Variants in DNM3 observed in about 807,000 individuals in gnomAD.
DNM3 encodes the protein dynamin-3.
A neutral mutation model predicts 101.6 loss-of-function variants in DNM3; 47 were observed. The observed-to-expected ratio is 0.46, with a 90% CI of 0.37 to 0.59. The LOEUF (loss-of-function observed/expected upper bound fraction) is 0.59. Ranked by LOEUF, DNM3 falls within the 20% of genes least tolerant of loss-of-function variation. DNM3 has a pLI of 0.00. For missense variants in DNM3, 849 were observed against 1,085.7 expected (o/e 0.78, Z 3.06); for synonymous variants, 385 against 387.9 (o/e 0.99, Z 0.09).
chr1:172,314,080 T>C (rs557751773), intron 16 of DNM3, among the ~76,000 whole-genome samples: 6 of 152,174 alleles, frequency 3.9e-5, no homozygotes, highest in Admixed American at 2.6e-4. Context: ...CCAGAAATAC[T>C]GTTTGACTCA....
intron 18 of DNM3, 143 bp from the exon 19 acceptor site, chr1:172,386,990 C>G: frequency 1.5e-6 from 1 of 653,330 alleles, no homozygotes; most frequent in Non-Finnish European, 2.7e-6. Flanking sequence ...AGTAAACAGA[C>G]GCTTGGTGCT....
At chr1:172,273,116 T>C (rs1488186849) in intron 15 of DNM3, among the ~76,000 whole-genome samples, 1 of 152,068 alleles carries the variant, frequency 6.6e-6, no homozygotes, top group African/African-American at 2.4e-5. Context: ...TATATACATA[T>C]GTTAAAAAAT....
At chr1:171,999,566 G>T (rs2046233736) in intron 4 of DNM3, among the ~76,000 whole-genome samples, 1 of 152,074 alleles carries the variant, frequency 6.6e-6, no homozygotes, top group Non-Finnish European at 1.5e-5. Flanking sequence ...GTCTATAGTG[G>T]TATACAGGTT....
chr1:172,379,034 A>C lies in DNM3; in HGVS notation c.1910A>C (p.Asn637Thr). The change falls in exon 18 of 21, where the codon AAT becomes ACT. Residue 637 changes from asparagine (N) to threonine (T), a missense_variant. By Grantham distance (65) the Asn-to-Thr change is moderately conservative. This residue lies in a region of DNM3 where 256 missense variants were observed against 311.7 expected (regional missense o/e 0.82). Coordinates refer to ENST00000627582, the MANE Select transcript of DNM3 (RefSeq NM_015569.5). ...VGNNKAENDE[N>T]GQAENFSMDP... is the part of the protein sequence containing the mutation. The stretch of plus-strand genomic sequence containing the variant: ...TTCTTTTAGGCTGAAAATGATGAGA[A>C]TGGACAAGCAGAAAACTTTTCCATG... 1 of 1,611,890 alleles carries C rather than the reference A, an allele frequency of 6.2e-7. No individual in the cohort carries two copies. The highest frequency in any genetic ancestry group is 8.5e-7 in the Non-Finnish European group (1 of 1,178,786).
chr1:172,350,049 T>C (rs2067125968), intron 17 of DNM3, among the ~76,000 whole-genome samples: 1 of 152,146 alleles, frequency 6.6e-6, no homozygotes, highest in African/African-American at 2.4e-5. Flanking sequence ...ACATAGGAAA[T>C]GCTAAATTGG....
chr1:172,261,351 T>C (rs866287840), intron 15 of DNM3, among the ~76,000 whole-genome samples: 6 of 152,208 alleles, frequency 3.9e-5, no homozygotes, highest in Non-Finnish European at 5.9e-5. Flanking sequence ...CTATGCGTAG[T>C]GGTGTAGTCT....
intron 16 of DNM3, among the ~76,000 whole-genome samples, chr1:172,317,169 A>G (rs895188320): frequency 4.6e-5 from 7 of 151,640 alleles, no homozygotes; most frequent in African/African-American, 1.7e-4. Context: ...AGGCAGAAAT[A>G]AAGATGTTCT....
At position 172,224,570 on chromosome 1, in the gene DNM3, G is replaced by A. The variant is rs574425194; in HGVS notation, c.1660-29003G>A. On this transcript the variant is annotated intron_variant, in intron 14 of 20. Coordinates refer to ENST00000627582, the MANE Select transcript of DNM3 (RefSeq NM_015569.5). ...ATCAACTTGCCACATGTTAGCAACC[G>A]AGACCTCATGATTGATGTTCAGTGA... Among the ~76,000 whole-genome samples the A allele has an allele frequency of 1.2e-4, 19 of 152,214 alleles. No homozygotes were observed. In the East Asian group the frequency reaches 2.5e-3, roughly 20 times the overall value.
chr1:171,897,775 A>G (rs1218064691), intron 1 of DNM3, among the ~76,000 whole-genome samples: 1 of 152,206 alleles, frequency 6.6e-6, no homozygotes, highest in Non-Finnish European at 1.5e-5. Context: ...TGGATTTTTC[A>G]TACAATCTGT....
At chr1:171,861,584 T>C (rs61808990) in intron 1 of DNM3, among the ~76,000 whole-genome samples, 1 of 152,052 alleles carries the variant, frequency 6.6e-6, no homozygotes, top group African/African-American at 2.4e-5. Flanking sequence ...ATATACAGAT[T>C]AACTCAAAAT....
intron 15 of DNM3, among the ~76,000 whole-genome samples, chr1:172,259,065 C>A: frequency 6.6e-6 from 1 of 151,674 alleles, no homozygotes; most frequent in East Asian, 1.9e-4. Context: ...TCCAAAATAT[C>A]TCTTGTTATT....
At chr1:171,858,535 C>T (rs2033849949) in intron 1 of DNM3, among the ~76,000 whole-genome samples, 1 of 152,058 alleles carries the variant, frequency 6.6e-6, no homozygotes, top group South Asian at 2.1e-4. Context: ...CCAGCATCTC[C>T]CAAAGCAAGT....
At chr1:172,100,255 C>A (rs931759216) in intron 13 of DNM3, among the ~76,000 whole-genome samples, 1 of 152,146 alleles carries the variant, frequency 6.6e-6, no homozygotes, top group South Asian at 2.1e-4. Context: ...TTATAGGCTG[C>A]AAACAGAAAA....
chr1:172,155,546 T>C (rs1027177028), intron 14 of DNM3, among the ~76,000 whole-genome samples: 6 of 152,118 alleles, frequency 3.9e-5, no homozygotes, highest in African/African-American at 1.4e-4. Flanking sequence ...TAATAATTAA[T>C]ACATAATTTG....
intron 15 of DNM3, among the ~76,000 whole-genome samples, chr1:172,254,401 G>A (rs535174241): frequency 6.6e-6 from 1 of 152,036 alleles, no homozygotes; most frequent in Non-Finnish European, 1.5e-5. Context: ...ACTAAATTCA[G>A]GGAATAGAAT....
At chr1:172,321,606 G>C (rs2065721257) in intron 16 of DNM3, among the ~76,000 whole-genome samples, 1 of 152,152 alleles carries the variant, frequency 6.6e-6, no homozygotes, top group Non-Finnish European at 1.5e-5. Context: ...TGTGTTTCTT[G>C]TATTTAAGGA....
chr1:172,345,241 A>C (rs774296691), intron 17 of DNM3, among the ~76,000 whole-genome samples: 1 of 152,256 alleles, frequency 6.6e-6, no homozygotes, highest in Non-Finnish European at 1.5e-5. Flanking sequence ...AAGGAATTAA[A>C]CAAAAAGCTT....
chr1:172,162,460 C>G (rs1449630332), intron 14 of DNM3, among the ~76,000 whole-genome samples: 1 of 151,558 alleles, frequency 6.6e-6, no homozygotes, highest in Non-Finnish European at 1.5e-5. Context: ...GTCATGGTGA[C>G]AATTACTCAA....
rs759616835 is a variant in DNM3, at chr1:172,387,320, C to G, written c.2246C>G (p.Pro749Arg). ...ISTATVSTPA[P>R]PPVDDSWIQH... ...ACAGCCACCGTGTCCACTCCGGCAC[C>G]CCCTCCAGTGGATGACTCCTGGATA... is the stretch of plus-strand genomic sequence containing the variant. Residue 749 changes from proline (P) to arginine (R), a missense_variant, in exon 19 of 21, where the codon CCC becomes CGC. Pro to Arg is a moderately radical substitution (Grantham distance 103, BLOSUM62 -2). Around this residue, in one of 5 missense-constraint regions of DNM3, gnomAD observed 256 missense variants for 311.7 expected, o/e 0.82. Coordinates refer to ENST00000627582, the MANE Select transcript of DNM3 (RefSeq NM_015569.5). The G allele has an allele frequency of 1.9e-6, 3 of 1,613,784 alleles. No individual in the cohort carries two copies. Among genetic ancestry groups the G allele is most frequent in the Non-Finnish European group, 1.7e-6 (2 of 1,179,820 alleles).
Sources: gnomAD v4.1 joint callset for allele counts (sites outside exome capture counted in the v4.1 genomes callset) on GRCh38, gnomAD v4.1.1 for gene constraint, gnomAD v4.1.1 regional missense constraint, MANE v1.5 for transcripts, NCBI Gene and HGNC (gene_info 2026-07-23, HGNC 2026-07-21) for gene names.